Variants in CYTH4 observed in about 807,000 individuals in gnomAD.
The protein encoded by CYTH4 is cytohesin 4.
CYTH4 carries 22 observed loss-of-function variants against 57.5 expected under a neutral mutation model. The observed-to-expected ratio is 0.38, with a 90% CI of 0.27 to 0.55. The LOEUF (loss-of-function observed/expected upper bound fraction) is 0.55. Ranked by LOEUF, CYTH4 falls within the 20% of genes least tolerant of loss-of-function variation. The pLI, the probability that CYTH4 is intolerant of heterozygous loss-of-function variation, is 0.74. For synonymous variants in CYTH4, 186 were observed against 206.5 expected, an observed-to-expected ratio of 0.90 and a Z score of 0.85; for missense variants, 420 against 535.6, an observed-to-expected ratio of 0.78 and a Z score of 2.13.
chr22:37,289,693 C>T (rs1285602596), intron 1 of CYTH4, among the ~76,000 whole-genome samples: 2 of 152,172 alleles, frequency 1.3e-5, no homozygotes, highest in Non-Finnish European at 2.9e-5. Context: ...CTATTGGGCT[C>T]GCTTGACCTT....
rs1335401368 is a variant in CYTH4, at chr22:37,298,578, G to C, written c.354-648G>C. The stretch of plus-strand genomic sequence containing the variant: ...GGAGTAGCAAGTAAAAAGGCCCTGG[G>C]GTCAGAAACAGGCTCAAGAATCTAG... On this transcript the variant is annotated intron_variant, in intron 5 of 12. Transcript: ENST00000248901. This position sits in a 1 kb window ranked among gnomAD's most constrained non-coding sequence, Gnocchi z 4.1. 6.6e-6 allele frequency among the ~76,000 whole-genome samples: 1 copy of C among 152,070 alleles called. No homozygotes were observed. The highest frequency in any genetic ancestry group is 1.9e-4 in the East Asian group (1 of 5,174).
rs1929156448 is a variant in CYTH4, at chr22:37,300,952, A to G, written c.480A>G (p.Ile160Met). 15 of 1,614,220 alleles carry G rather than the reference A, an allele frequency of 9.3e-6. No individual in the cohort carries two copies. The highest frequency in any genetic ancestry group is 1.2e-5 in the Non-Finnish European group (14 of 1,180,028). ...GGCTGCCGGGCGAGGCCCAGAAGAT[A>G]GACCGGATGATGGAGGCCTTTGCCA... ...SFRLPGEAQK[I>M]DRMMEAFATR... The change falls in exon 7 of 13, where the codon ATA (isoleucine) becomes ATG (methionine). Residue 160 changes from isoleucine to methionine, a missense_variant. Ile to Met is a conservative substitution (Grantham distance 10). Coordinates refer to ENST00000248901, the MANE Select transcript of CYTH4 (RefSeq NM_013385.5).
At chr22:37,310,051 T>A in intron 9 of CYTH4, 1 of 466,352 alleles carries the variant, frequency 2.1e-6, no homozygotes, top group South Asian at 1.6e-5. Flanking sequence ...AGATGCCTCA[T>A]GTTGAAGCAG....
chr22:37,312,369 G>C (rs749638306), intron 12 of CYTH4, among the ~76,000 whole-genome samples, 195 bp downstream of exon 12: 9 of 152,252 alleles, frequency 5.9e-5, no homozygotes, highest in Non-Finnish European at 1.0e-4. Flanking sequence ...CCAGGACACA[G>C]GGAAAGGAGA....
At chr22:37,296,120 C>G in intron 4 of CYTH4, 55 bp downstream of exon 4, 1 of 1,553,980 alleles carries the variant, frequency 6.4e-7, no homozygotes, top group Non-Finnish European at 8.8e-7. Context: ...ATGGGAGCAC[C>G]TGCCTGGTGT....
chr22:37,291,946 G>A (rs1348914544), intron 1 of CYTH4, among the ~76,000 whole-genome samples: 2 of 152,186 alleles, frequency 1.3e-5, no homozygotes, highest in African/African-American at 4.8e-5. Context: ...CCTTTTCCCT[G>A]TGGGTTGAGT....
chr22:37,309,097 AAG>A, intron 8 of CYTH4, 113 bp from the exon 9 acceptor site: 2 of 770,830 alleles, frequency 2.6e-6, no homozygotes, highest in Non-Finnish European at 4.3e-6. Flanking sequence ...CAGGTGAGGA[AAG>A]AGTATGCCTG....
intron 1 of CYTH4, among the ~76,000 whole-genome samples, chr22:37,283,078 A>G (rs900165659): frequency 6.6e-6 from 1 of 152,102 alleles, no homozygotes; most frequent in East Asian, 1.9e-4. Flanking sequence ...TAAGATGATG[A>G]TGGGATGTTG....
chr22:37,306,884 G>A (rs1220354028), intron 8 of CYTH4, among the ~76,000 whole-genome samples: 1 of 152,238 alleles, frequency 6.6e-6, no homozygotes, highest in Non-Finnish European at 1.5e-5. Flanking sequence ...GCTTGGGCCT[G>A]AACTGAACTC....
chr22:37,292,561 T>G, intron 1 of CYTH4, 60 bp from the exon 2 acceptor site: 1 of 1,553,272 alleles, frequency 6.4e-7, no homozygotes, highest in Non-Finnish European at 8.9e-7. Context: ...CCTGCAGAAG[T>G]GAGGGCAAGT....
At chr22:37,297,501 C>T in intron 4 of CYTH4, 63 bp from the exon 5 acceptor site, 1 of 1,456,212 alleles carries the variant, frequency 6.9e-7, no homozygotes. Flanking sequence ...TCCTTCCTCC[C>T]TTCCCCCTCC....
intron 6 of CYTH4, among the ~76,000 whole-genome samples, 194 bp downstream of exon 6, chr22:37,299,500 C>T (rs185961952): frequency 6.6e-6 from 1 of 152,352 alleles, no homozygotes; most frequent in African/African-American, 2.4e-5. Flanking sequence ...GGGCCTAGTT[C>T]CTTGCAAATA....
At chr22:37,288,230 T>C (rs1405443963) in intron 1 of CYTH4, among the ~76,000 whole-genome samples, 4 of 152,168 alleles carry the variant, frequency 2.6e-5, no homozygotes, top group South Asian at 2.1e-4. Flanking sequence ...CTGGCCAACA[T>C]GGTGAAACCC....
intron 1 of CYTH4, among the ~76,000 whole-genome samples, chr22:37,286,637 G>A (rs1362161059): frequency 6.6e-6 from 1 of 152,120 alleles, no homozygotes; most frequent in Non-Finnish European, 1.5e-5. Flanking sequence ...GGGGCTGCTG[G>A]CAGAGAGGAG....
chr22:37,305,955 C>T (rs1322923992), intron 8 of CYTH4, among the ~76,000 whole-genome samples: 1 of 152,102 alleles, frequency 6.6e-6, no homozygotes, highest in Non-Finnish European at 1.5e-5. Context: ...GCAGAGTCCC[C>T]AAGAAGCTCA....
chr22:37,300,012 C>G (rs1272343605), intron 6 of CYTH4: 1 of 715,074 alleles, frequency 1.4e-6, no homozygotes, highest in Non-Finnish European at 2.6e-6. Flanking sequence ...AATAAACCTT[C>G]CTGTGCCCCA....
intron 6 of CYTH4, among the ~76,000 whole-genome samples, 157 bp downstream of exon 6, chr22:37,299,463 CAG>C (rs1929104116): frequency 6.6e-6 from 1 of 152,236 alleles, no homozygotes. Flanking sequence ...TACTGCCTCA[CAG>C]AGCTGAGCTG....
In CYTH4 at chr22:37,311,362, T is replaced by G; in HGVS notation, c.886-94T>G. 8.9e-7 allele frequency: 1 copy of G among 1,120,584 alleles called. No individual in the cohort carries two copies. Among genetic ancestry groups the G allele is most frequent in the African/African-American group, 1.5e-5 (1 of 65,024 alleles). The allele number at this position is 1,120,584 out of a possible 1,614,324, so 69.4% of individuals were successfully genotyped here. ...CAGTCTCGGAAGATGAGCACGCTCC[T>G]CTTTGAGTTTGGGGAACCCCACACG... On this transcript the variant is annotated intron_variant, in intron 10 of 12. Transcript: ENST00000248901. This position sits in a 1 kb window ranked among gnomAD's most constrained non-coding sequence, Gnocchi z 4.4.
At chr22:37,290,787 C>T (rs796760855) in intron 1 of CYTH4, among the ~76,000 whole-genome samples, 46 of 152,342 alleles carry the variant, frequency 3.0e-4, no homozygotes, top group African/African-American at 8.7e-4. Context: ...GGATTAGAGG[C>T]GTGAGCCACC....
Sources: allele counts gnomAD v4.1 joint callset (sites outside exome capture counted in the v4.1 genomes callset), GRCh38; gene constraint gnomAD v4.1.1; non-coding constraint Gnocchi (gnomAD v3.1); transcripts MANE v1.5; gene names NCBI Gene and HGNC (gene_info 2026-07-23, HGNC 2026-07-21).